Variants in IL1RAPL2 observed in about 807,000 individuals in gnomAD.
The protein encoded by IL1RAPL2 is X-linked interleukin-1 receptor accessory protein-like 2.
In IL1RAPL2, 3 loss-of-function variants were observed where a neutral mutation model predicts 44.1. The ratio of observed to expected loss-of-function variants is 0.07; its 90% CI spans 0.03 to 0.18. The LOEUF is 0.18. Ranked by LOEUF, IL1RAPL2 falls within the 10% of genes least tolerant of loss-of-function variation. IL1RAPL2 has a pLI of 1.00. For missense variants in IL1RAPL2, 391 were observed against 496.4 expected (o/e 0.79, Z 2.02); for synonymous variants, 181 against 178.8 (o/e 1.01, Z -0.10).
intron 2 of IL1RAPL2, among the ~76,000 whole-genome samples, chrX:104,904,424 G>C (rs1212721049): frequency 2.9e-5 from 3 of 102,836 alleles, no homozygotes; most frequent in Non-Finnish European, 6.0e-5. Context: ...CTAGCATTAG[G>C]TATATCTCCC....
At chrX:105,692,999 C>T (rs1316225546) in intron 6 of IL1RAPL2, among the ~76,000 whole-genome samples, 1 of 111,394 alleles carries the variant, frequency 9.0e-6, no homozygotes, top group Non-Finnish European at 1.9e-5. Context: ...GACTATTCCT[C>T]TGCTGTTCTC....
intron 2 of IL1RAPL2, among the ~76,000 whole-genome samples, chrX:105,014,198 CATA>C (rs752586355): frequency 5.9e-4 from 66 of 111,722 alleles, no homozygotes; most frequent in African/African-American, 2.1e-3. Flanking sequence ...TTTATTGTTA[CATA>C]ATATTTGCAC....
rs1441609107 is a variant in IL1RAPL2 at position 104,775,977 on chromosome X, C to G, written c.82+116982C>G. Among the ~76,000 whole-genome samples, 3 of 110,948 alleles carry G rather than the reference C, an allele frequency of 2.7e-5. No homozygotes were observed. The East Asian group carries it at 8.5e-4, about 32-fold the overall frequency. Reference sequence around the variant, plus strand: ...GGGTATATGAGGGAGGATTGGGATCCTGAGAGAAGAGGTATTCTACCATTT... The same window carrying G: ...GGGTATATGAGGGAGGATTGGGATCGTGAGAGAAGAGGTATTCTACCATTT... On this transcript the variant is annotated intron_variant, in intron 2 of 10. Coordinates refer to ENST00000372582, the MANE Select transcript of IL1RAPL2 (RefSeq NM_017416.2).
chrX:105,660,988 G>A (rs2037715766), intron 6 of IL1RAPL2, among the ~76,000 whole-genome samples: 1 of 110,470 alleles, frequency 9.1e-6, no homozygotes, highest in Non-Finnish European at 1.9e-5. Context: ...ATGTTCAGTG[G>A]TTGGATAGAT....
intron 10 of IL1RAPL2, among the ~76,000 whole-genome samples, chrX:105,757,028 A>C (rs1336574414): frequency 9.0e-6 from 1 of 111,625 alleles, no homozygotes; most frequent in Non-Finnish European, 1.9e-5. Context: ...TTCTGTGTTC[A>C]ACAAATGAAT....
At chrX:104,691,728 T>C (rs968577152) in intron 2 of IL1RAPL2, among the ~76,000 whole-genome samples, 3 of 111,608 alleles carry the variant, frequency 2.7e-5, no homozygotes, top group Non-Finnish European at 5.6e-5. Context: ...CCAGCGAGAG[T>C]TGAAACAAGG....
At chrX:104,661,486 G>A (rs988465438) in intron 2 of IL1RAPL2, among the ~76,000 whole-genome samples, 11 of 111,138 alleles carry the variant, frequency 9.9e-5, no homozygotes, top group African/African-American at 3.6e-4. Context: ...TAGGGCATGG[G>A]ATGAATAAAA....
intron 2 of IL1RAPL2, among the ~76,000 whole-genome samples, chrX:104,898,453 A>G (rs1368250919): frequency 1.8e-5 from 2 of 112,546 alleles, no homozygotes; most frequent in African/African-American, 6.4e-5. Flanking sequence ...AAAATAATAT[A>G]AAATATCTAA....
chrX:105,084,421 A>T (rs1351055849), intron 2 of IL1RAPL2, among the ~76,000 whole-genome samples: 1 of 112,905 alleles, frequency 8.9e-6, no homozygotes, highest in African/African-American at 3.2e-5. Flanking sequence ...TTTCATTAGC[A>T]TGACCTGGAT....
intron 2 of IL1RAPL2, among the ~76,000 whole-genome samples, chrX:104,823,566 G>T (rs1921367884): frequency 9.3e-6 from 1 of 107,656 alleles, no homozygotes; most frequent in Non-Finnish European, 1.9e-5. Flanking sequence ...ACATACGTGT[G>T]CATGTGTCTT....
chrX:105,648,270 T>G (rs776998818), intron 6 of IL1RAPL2, among the ~76,000 whole-genome samples: 7 of 111,581 alleles, frequency 6.3e-5, no homozygotes, highest in Non-Finnish European at 1.3e-4. Flanking sequence ...TACCCAGAAT[T>G]GTATTGTTCT....
At chrX:104,808,741 C>G (rs769148737) in intron 2 of IL1RAPL2, among the ~76,000 whole-genome samples, 5 of 111,443 alleles carry the variant, frequency 4.5e-5, no homozygotes, top group Non-Finnish European at 7.5e-5. Context: ...AAGATGATTC[C>G]AGAGATATTG....
intron 6 of IL1RAPL2, among the ~76,000 whole-genome samples, chrX:105,517,582 A>G (rs16984799): frequency 0.072 from 7,950 of 110,897 alleles, 447 homozygotes; most frequent in African/African-American, 0.19. Flanking sequence ...TACCATTTCT[A>G]CATATCCAAA....
At chrX:105,584,833 AT>A (rs759058659) in intron 6 of IL1RAPL2, among the ~76,000 whole-genome samples, 44 of 109,438 alleles carry the variant, frequency 4.0e-4, no homozygotes, top group African/African-American at 1.3e-3. Context: ...TTCAATCATC[AT>A]TTTTTTTCAA....
chrX:105,539,706 C>T (rs184331176), intron 6 of IL1RAPL2, among the ~76,000 whole-genome samples: 131 of 111,306 alleles, frequency 1.2e-3, no homozygotes, highest in South Asian at 2.6e-3. Flanking sequence ...CTCTGCACAG[C>T]AAAAGAAACT....
At chrX:104,950,386 C>A (rs1024037434) in intron 2 of IL1RAPL2, among the ~76,000 whole-genome samples, 1 of 112,526 alleles carries the variant, frequency 8.9e-6, no homozygotes, top group African/African-American at 3.2e-5. Flanking sequence ...CAGACAGGGA[C>A]GTTTAAGTCT....
intron 2 of IL1RAPL2, among the ~76,000 whole-genome samples, chrX:104,827,857 A>C (rs1223379337): frequency 2.7e-5 from 3 of 111,603 alleles, no homozygotes; most frequent in Non-Finnish European, 5.6e-5. Flanking sequence ...CTTGTCTTCA[A>C]ACTTTATTTC....
intron 2 of IL1RAPL2, among the ~76,000 whole-genome samples, chrX:104,791,631 T>G (rs1045725161): frequency 1.8e-5 from 2 of 111,989 alleles, no homozygotes; most frequent in African/African-American, 6.5e-5. Flanking sequence ...TTCCCAGCAT[T>G]AAACTAGAGT....
chrX:104,743,270 C>G (rs1017322614), intron 2 of IL1RAPL2, among the ~76,000 whole-genome samples: 4 of 109,839 alleles, frequency 3.6e-5, no homozygotes, highest in Non-Finnish European at 7.6e-5. Flanking sequence ...TTTGAGGCCA[C>G]TTATTTGCTT....
Sources: gnomAD v4.1 joint callset for allele counts (sites outside exome capture counted in the v4.1 genomes callset) on GRCh38, gnomAD v4.1.1 for gene constraint, MANE v1.5 for transcripts, NCBI Gene and HGNC (gene_info 2026-07-23, HGNC 2026-07-21) for gene names.